The following BMP7 variants were observed in gnomAD, a reference collection of about 807,000 sequenced individuals.
BMP7 encodes the protein bone morphogenetic protein 7, also known as osteogenic protein 1.
BMP7 carries 12 observed loss-of-function variants against 41.2 expected under a neutral mutation model. The ratio of observed to expected loss-of-function variants is 0.29; its 90% CI spans 0.19 to 0.47. The LOEUF is 0.47. Ranked by LOEUF, BMP7 falls within the 20% of genes least tolerant of loss-of-function variation. The pLI is 0.99. For synonymous variants in BMP7, 248 were observed against 250.0 expected (o/e 0.99, Z 0.07); for missense variants, 467 against 606.0 (o/e 0.77, Z 2.41).
chr20:57,264,727 A>G (rs907649624), intron 1 of BMP7, among the ~76,000 whole-genome samples: 1 of 152,072 alleles, frequency 6.6e-6, no homozygotes, highest in Admixed American at 6.5e-5. Flanking sequence ...ACCACTAAAT[A>G]CTTAAAATAG....
chr20:57,172,294 T>C (rs927073527), intron 6 of BMP7, among the ~76,000 whole-genome samples: 15 of 152,036 alleles, frequency 9.9e-5, no homozygotes, highest in African/African-American at 3.1e-4. Context: ...AAGTTTACAA[T>C]TGAGGAGGGG....
Position 57,174,855 on chromosome 20 carries a change from T to A in BMP7, c.1035+76A>T, listed in dbSNP as rs189918142. 346 of 1,474,090 alleles carry A rather than the reference T, an allele frequency of 2.3e-4. No homozygotes were observed. Among genetic ancestry groups the A allele is most frequent in the Non-Finnish European group, 3.1e-4 (332 of 1,080,904 alleles). 91.3% of individuals were successfully genotyped at this position (1,474,090 alleles called of 1,614,324 possible). A position where few individuals can be genotyped will look rare whatever the true frequency, so the allele number is the denominator to read the frequency against. ...AACTGGCAGAGATGAGAAACAAGAC[T>A]GAGCACAGACCCGCTGCCTCGTGGG... On this transcript the variant is annotated intron_variant, in intron 5 of 6. Coordinates refer to ENST00000395863, the MANE Select transcript of BMP7 (RefSeq NM_001719.3). The surrounding 1 kb of genome is among the most constrained non-coding windows in gnomAD (Gnocchi z 4.3).
At chr20:57,220,859 C>T (rs1985173333) in intron 2 of BMP7, among the ~76,000 whole-genome samples, 1 of 152,134 alleles carries the variant, frequency 6.6e-6, no homozygotes, top group Admixed American at 6.5e-5. Flanking sequence ...GAAGAGAAAG[C>T]ACATTGGAGC....
intron 1 of BMP7, among the ~76,000 whole-genome samples, chr20:57,251,362 T>C (rs781688727): frequency 6.6e-6 from 1 of 152,134 alleles, no homozygotes; most frequent in Non-Finnish European, 1.5e-5. Flanking sequence ...ACCCAAACTC[T>C]TAACTACCAT....
At chr20:57,172,973 G>A in intron 6 of BMP7, 1 of 612,544 alleles carries the variant, frequency 1.6e-6, no homozygotes, top group Non-Finnish European at 2.9e-6. Context: ...TTAAAAATTA[G>A]GAGAAATAAA....
intron 1 of BMP7, among the ~76,000 whole-genome samples, chr20:57,252,440 C>T (rs1239549619): frequency 6.6e-6 from 1 of 152,150 alleles, no homozygotes; most frequent in East Asian, 1.9e-4. Context: ...AAGTTACCTG[C>T]CAAGAGAGGG....
At position 57,174,904 on chromosome 20, in the gene BMP7, C is replaced by G. The variant is rs1304804055; in HGVS notation, c.1035+27G>C. On this transcript the variant is annotated intron_variant, in intron 5 of 6. Transcript: ENST00000395863. The surrounding 1 kb of genome is among the most constrained non-coding windows in gnomAD (Gnocchi z 4.3). The stretch of plus-strand genomic sequence containing the variant: ...GGAGCCCACGCCAGAGGGCCCACAC[C>G]CAAGACAGACCCAGCCAGCCCCTTA... 6.2e-7 allele frequency: 1 copy of G among 1,604,708 alleles called. No individual in the cohort carries two copies. Among genetic ancestry groups the G allele is most frequent in the Admixed American group, 1.7e-5 (1 of 59,770 alleles).
At chr20:57,248,436 A>T (rs1439517933) in intron 1 of BMP7, among the ~76,000 whole-genome samples, 2 of 152,200 alleles carry the variant, frequency 1.3e-5, no homozygotes, top group African/African-American at 4.8e-5. Context: ...GACAAGGAGA[A>T]GTCTTCCAAG....
chr20:57,202,974 T>C (rs187578786), intron 2 of BMP7, among the ~76,000 whole-genome samples: 71 of 152,276 alleles, frequency 4.7e-4, no homozygotes, highest in African/African-American at 1.6e-3. Flanking sequence ...CAGAAGTTGA[T>C]AGTGACTGAA....
chr20:57,198,544 C>A (rs1039580023), intron 3 of BMP7, among the ~76,000 whole-genome samples: 1 of 152,210 alleles, frequency 6.6e-6, no homozygotes, highest in Non-Finnish European at 1.5e-5. Context: ...CTTCTCCCCG[C>A]GAGGGCACGC....
intron 1 of BMP7, among the ~76,000 whole-genome samples, chr20:57,263,082 G>C (rs915232134): frequency 6.6e-6 from 1 of 152,234 alleles, no homozygotes; most frequent in African/African-American, 2.4e-5. Flanking sequence ...TACAGGAAGT[G>C]TCTCGCCAAA....
At chr20:57,183,140 C>G (rs1371300353) in intron 4 of BMP7, among the ~76,000 whole-genome samples, 1 of 151,898 alleles carries the variant, frequency 6.6e-6, no homozygotes, top group Non-Finnish European at 1.5e-5. Flanking sequence ...GAGGCTGAGG[C>G]TGAAGAATCA....
chr20:57,223,388 G>A (rs1047245901), intron 2 of BMP7, among the ~76,000 whole-genome samples: 1 of 152,112 alleles, frequency 6.6e-6, no homozygotes, highest in Non-Finnish European at 1.5e-5. Context: ...CAACCCCTAC[G>A]GATCAGGAGT....
chr20:57,194,399 T>G (rs1481404906), intron 3 of BMP7, among the ~76,000 whole-genome samples: 1 of 152,120 alleles, frequency 6.6e-6, no homozygotes, highest in Non-Finnish European at 1.5e-5. Context: ...GAACGCATGA[T>G]CTGTGGCTAC....
chr20:57,226,909 C>T lies in BMP7; in HGVS notation c.611+1320G>A, dbSNP rs538284726. On this transcript the variant is annotated intron_variant, in intron 2 of 6. Coordinates refer to ENST00000395863, the MANE Select transcript of BMP7 (RefSeq NM_001719.3). ...TGGCACCATCTCGGCTCACTGCAACCTTCTCCTCCTGGGTTCAAGCAATTC... is the reference window on the plus strand; with the variant it reads ...TGGCACCATCTCGGCTCACTGCAACTTTCTCCTCCTGGGTTCAAGCAATTC... 2.1e-4 allele frequency among the ~76,000 whole-genome samples: 32 copies of T among 151,352 alleles called. 1 individual carries two copies. The South Asian group carries it at 6.5e-3, about 31-fold the overall frequency.
At chr20:57,203,693 T>A (rs1450685595) in intron 2 of BMP7, among the ~76,000 whole-genome samples, 3 of 152,252 alleles carry the variant, frequency 2.0e-5, no homozygotes, top group Admixed American at 6.5e-5. Flanking sequence ...AAAGTTTCAA[T>A]ACTTTGAGTC....
intron 2 of BMP7, among the ~76,000 whole-genome samples, chr20:57,220,063 C>T (rs1007556): frequency 0.011 from 1,611 of 152,188 alleles, 22 homozygotes; most frequent in African/African-American, 0.037. Flanking sequence ...GGGTGGCATG[C>T]GTGCTGGAAT....
chr20:57,229,889 T>C (rs1018199142), intron 1 of BMP7, among the ~76,000 whole-genome samples: 4 of 152,106 alleles, frequency 2.6e-5, no homozygotes, highest in African/African-American at 4.8e-5. Context: ...TTAAAAACAA[T>C]CTGGTTTAAA....
intron 1 of BMP7, among the ~76,000 whole-genome samples, chr20:57,242,349 G>A (rs776863730): frequency 2.6e-5 from 4 of 152,142 alleles, no homozygotes; most frequent in African/African-American, 7.2e-5. Context: ...GATCTGGACC[G>A]ACAGACAGGC....
Sources: allele counts gnomAD v4.1 joint callset (sites outside exome capture counted in the v4.1 genomes callset), GRCh38; gene constraint gnomAD v4.1.1; non-coding constraint Gnocchi (gnomAD v3.1); transcripts MANE v1.5; gene names NCBI Gene and HGNC (gene_info 2026-07-23, HGNC 2026-07-21).